The following CFAP54 variants were observed in gnomAD, a reference collection of about 807,000 sequenced individuals.
The protein encoded by CFAP54 is cilia and flagella associated protein 54.
In CFAP54, 290 loss-of-function variants were observed where a neutral mutation model predicts 370.4. The observed-to-expected ratio is 0.78, with a 90% CI of 0.71 to 0.86. The LOEUF (loss-of-function observed/expected upper bound fraction) is 0.86. Among genes scored for constraint, CFAP54 ranks in the 40% least tolerant of loss-of-function variants. The probability of loss-of-function intolerance (pLI) is 0.00; values close to 1 mark genes in which losing one functional copy is unlikely to be tolerated. For synonymous variants in CFAP54, 1,206 were observed against 1,236.5 expected (o/e 0.98, Z 0.52); for missense variants, 3,399 against 3,528.7 (o/e 0.96, Z 0.93).
At chr12:96,727,938 C>G (rs879611890) in intron 50 of CFAP54, among the ~76,000 whole-genome samples, 7 of 151,754 alleles carry the variant, frequency 4.6e-5, no homozygotes, top group Middle Eastern at 6.8e-3. Context: ...ACTTATGAAG[C>G]TTAGTTTGGC....
chr12:96,544,526 C>G (rs946629344), intron 14 of CFAP54, among the ~76,000 whole-genome samples: 1 of 152,010 alleles, frequency 6.6e-6, no homozygotes. Flanking sequence ...CTAATCTTCT[C>G]CTGCCTCTCT....
At chr12:96,761,568 G>A (rs1958339601) in intron 58 of CFAP54, among the ~76,000 whole-genome samples, 1 of 151,934 alleles carries the variant, frequency 6.6e-6, no homozygotes, top group Non-Finnish European at 1.5e-5. Flanking sequence ...AACTGCAGAT[G>A]TTGAAGATTT....
intron 17 of CFAP54, among the ~76,000 whole-genome samples, chr12:96,558,262 T>G (rs961744324): frequency 1.3e-5 from 2 of 152,012 alleles, no homozygotes. Context: ...ACAAAAGAAT[T>G]AACATTCAAC....
At chr12:96,794,567 T>C (rs1958738138) in intron 63 of CFAP54, among the ~76,000 whole-genome samples, 1 of 152,142 alleles carries the variant, frequency 6.6e-6, no homozygotes, top group African/African-American at 2.4e-5. Flanking sequence ...TCTTTAAGTG[T>C]GTCCTTCATT....
intron 63 of CFAP54, among the ~76,000 whole-genome samples, chr12:96,806,124 G>T (rs1958874487): frequency 8.3e-6 from 1 of 120,102 alleles, no homozygotes; most frequent in Non-Finnish European, 1.7e-5. Flanking sequence ...TTTAGGTGAT[G>T]AGTACTCTAA....
At chr12:96,825,093 C>T (rs1296556604) in intron 65 of CFAP54, among the ~76,000 whole-genome samples, 2 of 150,390 alleles carry the variant, frequency 1.3e-5, no homozygotes, top group Non-Finnish European at 1.5e-5. Flanking sequence ...GTTGAAGTTG[C>T]ACTATTTTTT....
rs537277659 is a variant in CFAP54, at chr12:96,839,933, C to A, written c.9171+10845C>A. ...GTAGTAGGGTTTCAAGAGTGAGCCT[C>A]ACAAGAGAACGAAGTAGATGCTCTA... On this transcript the variant is annotated intron_variant, in intron 66 of 67. Coordinates refer to ENST00000524981, the MANE Select transcript of CFAP54 (RefSeq NM_001306084.2). Among the ~76,000 whole-genome samples, 6 of 152,294 alleles carry A rather than the reference C, an allele frequency of 3.9e-5. No homozygotes were observed. The South Asian group carries it at 1.2e-3, about 32-fold the overall frequency.
At chr12:96,805,390 GA>G (rs67634481) in intron 63 of CFAP54, among the ~76,000 whole-genome samples, 52,167 of 149,862 alleles carry the variant, frequency 0.35, 9,278 homozygotes, top group South Asian at 0.55. Context: ...AGCTCAACAA[GA>G]AAAAAAAACC....
intron 49 of CFAP54, 46 bp from the exon 50 acceptor site, chr12:96,720,353 CAGTATT>C: frequency 1.6e-6 from 2 of 1,281,444 alleles, no homozygotes; most frequent in Non-Finnish European, 2.0e-6. Flanking sequence ...AAGAAAGAGA[CAGTATT>C]TGTATTATTT....
intron 33 of CFAP54, 79 bp from the exon 34 acceptor site, chr12:96,647,796 A>C (rs1414259792): frequency 7.6e-7 from 1 of 1,308,706 alleles, no homozygotes; most frequent in African/African-American, 1.5e-5. Flanking sequence ...TGTTTTAAAA[A>C]TAAAAATAGA....
intron 48 of CFAP54, among the ~76,000 whole-genome samples, chr12:96,712,031 C>T (rs1024089839): frequency 6.6e-6 from 1 of 152,110 alleles, no homozygotes; most frequent in Non-Finnish European, 1.5e-5. Context: ...TCTCTACCCT[C>T]TTCATAGATC....
intron 15 of CFAP54, among the ~76,000 whole-genome samples, chr12:96,549,147 C>T (rs1283737581): frequency 6.6e-6 from 1 of 152,174 alleles, no homozygotes; most frequent in Non-Finnish European, 1.5e-5. Context: ...AGCTACTGTG[C>T]CTGGCCTCTC....
intron 67 of CFAP54, among the ~76,000 whole-genome samples, chr12:96,867,920 A>G (rs1430102748): frequency 2.0e-5 from 3 of 152,218 alleles, no homozygotes; most frequent in African/African-American, 7.2e-5. Flanking sequence ...AAAAATAAGT[A>G]TGTGAGGAAA....
chr12:96,545,002 C>T (rs1190147364), intron 14 of CFAP54, among the ~76,000 whole-genome samples: 4 of 152,184 alleles, frequency 2.6e-5, no homozygotes, highest in African/African-American at 9.6e-5. Context: ...GCCTCCGCCT[C>T]CTGGGTTCAA....
chr12:96,855,634 C>A (rs1481831147), intron 66 of CFAP54, among the ~76,000 whole-genome samples: 2 of 152,234 alleles, frequency 1.3e-5, no homozygotes, highest in Non-Finnish European at 2.9e-5. Context: ...ATGTCACACA[C>A]CCAGGGCTTG....
chr12:96,733,549 T>G lies in CFAP54; in HGVS notation c.6966-6407T>G, dbSNP rs1289448409. Among the ~76,000 whole-genome samples, 30 of 151,750 alleles carry G rather than the reference T, an allele frequency of 2.0e-4. No homozygotes were observed. In the South Asian group the frequency reaches 6.2e-3, roughly 32 times the overall value. On this transcript the variant is annotated intron_variant, in intron 50 of 67. Coordinates refer to ENST00000524981, the MANE Select transcript of CFAP54 (RefSeq NM_001306084.2). ...TCTTTCAAAATCCTGTGGGTTTTTT[T>G]TTTTTTTTTTAATAAGTGTTCCTTC...
chr12:96,780,738 C>T (rs991517198), intron 60 of CFAP54, among the ~76,000 whole-genome samples: 13 of 152,132 alleles, frequency 8.5e-5, no homozygotes, highest in African/African-American at 1.7e-4. Flanking sequence ...TCACAGATAA[C>T]GAGGAGTTGA....
intron 3 of CFAP54, 61 bp downstream of exon 3, chr12:96,504,090 T>C: frequency 7.2e-7 from 1 of 1,395,096 alleles, no homozygotes; most frequent in Non-Finnish European, 9.4e-7. Context: ...ATGTATCTTT[T>C]AGTTGACAGC....
intron 55 of CFAP54, among the ~76,000 whole-genome samples, chr12:96,748,266 T>C (rs1487896919): frequency 6.6e-6 from 1 of 152,236 alleles, no homozygotes; most frequent in African/African-American, 2.4e-5. Flanking sequence ...TCCTACTGTC[T>C]CTAGCTCCCA....
Sources: allele counts gnomAD v4.1 joint callset (sites outside exome capture counted in the v4.1 genomes callset), GRCh38; gene constraint gnomAD v4.1.1; transcripts MANE v1.5; gene names NCBI Gene and HGNC (gene_info 2026-07-23, HGNC 2026-07-21).